The following PTPRN2 variants were observed in gnomAD, a reference collection of about 807,000 sequenced individuals.
The protein encoded by PTPRN2 is receptor-type tyrosine-protein phosphatase N2.
PTPRN2 carries 74 observed loss-of-function variants against 118.8 expected under a neutral mutation model. The observed-to-expected ratio is 0.62, with a 90% confidence interval of 0.52 to 0.76. The LOEUF is 0.76. Ranked by LOEUF, PTPRN2 falls within the 30% of genes least tolerant of loss-of-function variation. The probability of loss-of-function intolerance (pLI) is 0.00; values close to 1 mark genes in which losing one functional copy is unlikely to be tolerated. For synonymous variants in PTPRN2, 641 were observed against 608.0 expected, an observed-to-expected ratio of 1.05 and a Z score of -0.80; for missense variants, 1,481 against 1,394.4, an observed-to-expected ratio of 1.06 and a Z score of -0.99.
intron 12 of PTPRN2, among the ~76,000 whole-genome samples, chr7:157,834,852 G>A (rs1032061069): frequency 1.3e-5 from 2 of 152,288 alleles, no homozygotes; most frequent in South Asian, 2.1e-4. Flanking sequence ...TAAGAGCACC[G>A]GACCCAGCTT....
intron 9 of PTPRN2, among the ~76,000 whole-genome samples, chr7:158,113,846 A>C (rs112524077): frequency 5.9e-4 from 90 of 152,274 alleles, no homozygotes; most frequent in African/African-American, 2.0e-3. Context: ...GGCACGTAGC[A>C]ATCCGGGACC....
At chr7:157,717,178 C>A (rs930227716) in intron 12 of PTPRN2, among the ~76,000 whole-genome samples, 1 of 152,266 alleles carries the variant, frequency 6.6e-6, no homozygotes, top group Admixed American at 6.5e-5. Context: ...CAAAATCGAT[C>A]CACGAGGCTT....
chr7:158,166,034 C>T (rs538391556), intron 6 of PTPRN2, among the ~76,000 whole-genome samples: 17 of 152,154 alleles, frequency 1.1e-4, no homozygotes, highest in African/African-American at 2.2e-4. Context: ...GTGAGTTCAG[C>T]GACAAAGGAC....
intron 12 of PTPRN2, among the ~76,000 whole-genome samples, chr7:157,724,201 C>T (rs1799403542): frequency 6.6e-6 from 1 of 152,216 alleles, no homozygotes; most frequent in Non-Finnish European, 1.5e-5. Context: ...CTTCCCCCGT[C>T]TGAATTGCGC....
chr7:158,481,360 A>G (rs896258448), intron 2 of PTPRN2, among the ~76,000 whole-genome samples: 29 of 152,266 alleles, frequency 1.9e-4, no homozygotes, highest in African/African-American at 7.0e-4. Flanking sequence ...CAGTCACCCA[A>G]GAGCTGTGAT....
intron 14 of PTPRN2, among the ~76,000 whole-genome samples, chr7:157,643,903 G>C (rs561708779): frequency 6.6e-6 from 1 of 152,220 alleles, no homozygotes; most frequent in African/African-American, 2.4e-5. Context: ...CCCAGACACC[G>C]GCCAGCCTCA....
At chr7:158,098,418 G>A (rs1814847177) in intron 10 of PTPRN2, among the ~76,000 whole-genome samples, 1 of 152,206 alleles carries the variant, frequency 6.6e-6, no homozygotes, top group Non-Finnish European at 1.5e-5. Flanking sequence ...AGTGTCCTAA[G>A]GCGGGAGATG....
intron 17 of PTPRN2, among the ~76,000 whole-genome samples, 177 bp downstream of exon 17, chr7:157,595,061 T>TG (rs1801214642): frequency 6.6e-6 from 1 of 152,236 alleles, no homozygotes; most frequent in South Asian, 2.1e-4. Flanking sequence ...ACTCAAGTTT[T>TG]GGAAAACAAA....
intron 10 of PTPRN2, among the ~76,000 whole-genome samples, chr7:158,084,676 C>T (rs910721842): frequency 5.4e-4 from 81 of 148,980 alleles, no homozygotes; most frequent in African/African-American, 1.9e-3. Flanking sequence ...CATCCACACC[C>T]ACGACGCCCA....
At chr7:158,367,769 G>A (rs566504273) in intron 2 of PTPRN2, among the ~76,000 whole-genome samples, 16 of 152,208 alleles carry the variant, frequency 1.1e-4, no homozygotes, top group African/African-American at 3.9e-4. Flanking sequence ...GACCTCCTTG[G>A]CCCAGAGCCC....
chr7:157,836,139 T>C (rs771182501), intron 12 of PTPRN2, among the ~76,000 whole-genome samples: 3 of 152,236 alleles, frequency 2.0e-5, no homozygotes, highest in Non-Finnish European at 2.9e-5. Context: ...GATAAAATGT[T>C]TAAATCTACA....
At chr7:157,995,551 A>T (rs1804662632) in intron 11 of PTPRN2, among the ~76,000 whole-genome samples, 1 of 152,270 alleles carries the variant, frequency 6.6e-6, no homozygotes, top group Non-Finnish European at 1.5e-5. Context: ...GTTTGTTGCC[A>T]TGAATTGTAA....
chr7:157,747,801 T>C (rs1801088184), intron 12 of PTPRN2, among the ~76,000 whole-genome samples: 3 of 126,498 alleles, frequency 2.4e-5, no homozygotes, highest in Non-Finnish European at 3.3e-5. Context: ...CTGTGGGCTG[T>C]TGAGGTGATT....
At position 158,316,706 on chromosome 7, in the gene PTPRN2, AC is replaced by A. The variant is rs1802353048; in HGVS notation, c.277+112del. ...CCGGCTCCCACCTGCCCCTTCCACCACCACACTCGTGGATTCAGTCCGTCCC... is the reference window on the plus strand; with the variant it reads ...CCGGCTCCCACCTGCCCCTTCCACCACACACTCGTGGATTCAGTCCGTCCC... On this transcript the variant is annotated intron_variant, in intron 3 of 22. Coordinates refer to ENST00000389418, the MANE Select transcript of PTPRN2 (RefSeq NM_002847.5). 11 of 760,172 alleles carry A rather than the reference AC, an allele frequency of 1.4e-5. 1 individual carries two copies. In the South Asian group the frequency reaches 2.1e-4, roughly 14 times the overall value. 47.1% of individuals were successfully genotyped at this position (760,172 alleles called of 1,614,324 possible). A position where few individuals can be genotyped will look rare whatever the true frequency, so the allele number is the denominator to read the frequency against.
intron 12 of PTPRN2, among the ~76,000 whole-genome samples, chr7:157,684,860 C>G (rs1216153001): frequency 6.6e-6 from 1 of 152,028 alleles, no homozygotes; most frequent in African/African-American, 2.4e-5. Context: ...CCCTCCTGGG[C>G]CGGCGCGAGG....
rs965818310 is a variant in PTPRN2 at position 157,609,616 on chromosome 7, C to T, written c.2345-5541G>A. 6.6e-6 allele frequency among the ~76,000 whole-genome samples: 1 copy of T among 152,152 alleles called. No individual in the cohort carries two copies. Among genetic ancestry groups the T allele is most frequent in the African/African-American group, 2.4e-5 (1 of 41,426 alleles). On this transcript the variant is annotated intron_variant, in intron 15 of 22. Coordinates refer to ENST00000389418, the MANE Select transcript of PTPRN2 (RefSeq NM_002847.5). The surrounding 1 kb of genome is among the most constrained non-coding windows in gnomAD (Gnocchi z 4.9). ...CCACAGGGGAGCACAGGGTTTGACTCCCAGCCCCACTGCTTGCCAGCGGGC... is the reference window on the plus strand; with the variant it reads ...CCACAGGGGAGCACAGGGTTTGACTTCCAGCCCCACTGCTTGCCAGCGGGC...
chr7:157,981,731 C>T (rs761799466), intron 11 of PTPRN2, among the ~76,000 whole-genome samples: 6 of 152,346 alleles, frequency 3.9e-5, no homozygotes, highest in Admixed American at 2.0e-4. Flanking sequence ...GACCCTTGGG[C>T]GTTTCCAAGT....
chr7:158,090,878 A>C (rs1484251597), intron 10 of PTPRN2, among the ~76,000 whole-genome samples: 3 of 152,234 alleles, frequency 2.0e-5, no homozygotes, highest in African/African-American at 7.2e-5. Flanking sequence ...TTGTCTTAGC[A>C]ATCATATATC....
intron 3 of PTPRN2, among the ~76,000 whole-genome samples, chr7:158,262,880 CACAT>C (rs72440195): frequency 0.15 from 21,789 of 149,358 alleles, 1,616 homozygotes; most frequent in African/African-American, 0.16. Context: ...ACACTGCACA[CACAT>C]ACATTCACAC....
Sources: allele counts gnomAD v4.1 joint callset (sites outside exome capture counted in the v4.1 genomes callset), GRCh38; gene constraint gnomAD v4.1.1; non-coding constraint Gnocchi (gnomAD v3.1); transcripts MANE v1.5; gene names NCBI Gene and HGNC (gene_info 2026-07-23, HGNC 2026-07-21).